The following UNC93A variants were observed in gnomAD, a reference collection of about 807,000 sequenced individuals.
UNC93A encodes the protein N-acetylglucosamine transporter UNC93A.
In UNC93A, 43 loss-of-function variants were observed where a neutral mutation model predicts 47.5. The observed-to-expected ratio is 0.91, with a 90% CI of 0.71 to 1.17. The LOEUF (loss-of-function observed/expected upper bound fraction) is 1.17, where lower values mean the gene tolerates loss of function less well. Ranked by LOEUF, UNC93A falls within the 50% of genes most tolerant of loss-of-function variation. UNC93A has a pLI of 0.00. For synonymous variants in UNC93A, 280 were observed against 258.0 expected (o/e 1.09, Z -0.82); for missense variants, 605 against 577.6 (o/e 1.05, Z -0.49).
chr6:167,277,121 C>T (rs2115076225), intron 1 of UNC93A, among the ~76,000 whole-genome samples: 1 of 152,342 alleles, frequency 6.6e-6, no homozygotes, highest in African/African-American at 2.4e-5. Context: ...GCATTTGTCT[C>T]CAGTAGGATC....
At chr6:167,293,187 G>A (rs2115114492) in intron 1 of UNC93A, among the ~76,000 whole-genome samples, 1 of 152,304 alleles carries the variant, frequency 6.6e-6, no homozygotes, top group East Asian at 1.9e-4. Flanking sequence ...GAGCTCCGCA[G>A]CTGTGAGCAG....
At chr6:167,274,386 C>A (rs1783503872) in intron 1 of UNC93A, among the ~76,000 whole-genome samples, 1 of 152,188 alleles carries the variant, frequency 6.6e-6, no homozygotes, top group South Asian at 2.1e-4. Flanking sequence ...CCTCCCTCCT[C>A]CTGCCTAAAG....
upstream of UNC93A, among the ~76,000 whole-genome samples, chr6:167,288,901 G>C (rs1181536600): frequency 6.6e-6 from 1 of 152,262 alleles, no homozygotes; most frequent in Non-Finnish European, 1.5e-5. Context: ...ATCACCCAGG[G>C]CATCTGTCAT....
intron 1 of UNC93A, among the ~76,000 whole-genome samples, chr6:167,285,728 G>T (rs1783715586): frequency 6.6e-6 from 1 of 151,624 alleles, no homozygotes; most frequent in Non-Finnish European, 1.5e-5. Flanking sequence ...GGGCAGCCTG[G>T]AGGGTAGGTG....
intron 5 of UNC93A, among the ~76,000 whole-genome samples, chr6:167,305,408 A>G (rs899756338): frequency 6.6e-6 from 1 of 152,164 alleles, no homozygotes. Context: ...TTCTCGTCTC[A>G]GTCCCTGTTC....
At position 167,301,712 on chromosome 6, in the gene UNC93A, T is replaced by A. The variant is rs75509010; in HGVS notation, c.626-2207T>A. On this transcript the variant is annotated intron_variant, in intron 4 of 7. Transcript: ENST00000230256. ...CAAGGCTTTCGGGGAGATTGTAGGT[T>A]GTGTCCTATTGGGCTGCTTGACACT... Among the ~76,000 whole-genome samples the A allele has an allele frequency of 1.9e-3, 282 of 152,296 alleles. 1 individual carries two copies. The highest frequency in any genetic ancestry group is 6.4e-3 in the African/African-American group (266 of 41,556).
At chr6:167,311,735 T>C (rs1162835356) in intron 7 of UNC93A, among the ~76,000 whole-genome samples, 2 of 152,288 alleles carry the variant, frequency 1.3e-5, no homozygotes, top group African/African-American at 4.8e-5. Context: ...TTTGTCTTTC[T>C]AAATACAGCT....
At position 167,307,780 on chromosome 6, in the gene UNC93A, C is replaced by T. The variant is rs61729547; in HGVS notation, c.978C>T (p.Gly326=). ...GCGGTTTCCCCTCTGCACCCCCAGG[C>T]GCGGTGACCCACGTGTCCTGCATGA... ...YTGRAVLYVL[G]AVTHVSCMIA... The change falls in exon 7 of 8, where the codon GGC becomes GGT. Residue 326 remains glycine (G), a splice_region_variant and synonymous_variant. Transcript: ENST00000230256. 613 of 1,591,562 alleles carry T rather than the reference C, an allele frequency of 3.9e-4. 1 individual carries two copies. The African/African-American group carries it at 7.2e-3, about 19-fold the overall frequency.
At chr6:167,289,300 C>A (rs1481870648), upstream of UNC93A, among the ~76,000 whole-genome samples, 2 of 152,142 alleles carry the variant, frequency 1.3e-5, no homozygotes, top group Non-Finnish European at 2.9e-5. Flanking sequence ...AAGACCTGCC[C>A]TGGTCACAGG....
Position 167,304,092 on chromosome 6 carries a change from A to G in UNC93A, c.799A>G (p.Ser267Gly). 2 of 1,614,192 alleles carry G rather than the reference A, an allele frequency of 1.2e-6. No individual in the cohort carries two copies. The highest frequency in any genetic ancestry group is 2.2e-5 in the East Asian group (1 of 44,890). The change falls in exon 5 of 8, where the codon AGT becomes GGT. Residue 267 changes from serine (S) to glycine (G), a missense_variant. Ser to Gly is a moderately conservative substitution (Grantham distance 56). Transcript: ENST00000230256. Reference protein sequence around the residue: ...LCLLILLPLYSGLQQGFLSSE... With the variant: ...LCLLILLPLYGGLQQGFLSSE... ...CCTCTTAATTCTGCTGCCGCTGTAC[A>G]GTGGATTGCAGCAAGGATTCCTCTC...
intron 6 of UNC93A, among the ~76,000 whole-genome samples, chr6:167,306,686 G>A (rs1395434891): frequency 6.6e-6 from 1 of 152,244 alleles, no homozygotes; most frequent in Non-Finnish European, 1.5e-5. Context: ...ATGGAGCCTG[G>A]AGGCTCTGCC....
In UNC93A at chr6:167,295,645, C is replaced by CTCCTCCCCTCCCTCGTGA. The variant is rs1562350463; in HGVS notation, c.270-382_270-381insCCCTCCCTCGTGATCCTC. 1.6e-4 allele frequency among the ~76,000 whole-genome samples: 8 copies of CTCCTCCCCTCCCTCGTGA among 49,876 alleles called. 1 individual carries two copies. The highest frequency in any genetic ancestry group is 1.7e-4 in the Admixed American group (1 of 6,026). The allele number at this position is 49,876 out of a possible 152,430, so 32.7% of individuals were successfully genotyped here. On this transcript the variant is annotated intron_variant, in intron 2 of 7. Transcript: ENST00000230256. The stretch of plus-strand genomic sequence containing the variant: ...CCTCGTGCTCCTCGCCTGCCTCGTG[C>CTCCTCCCCTCCCTCGTGA]TCCTCGCCTCCCTCGTGATCCTCGC...
chr6:167,295,994 C>A, intron 2 of UNC93A, 38 bp from the exon 3 acceptor site: 2 of 1,591,948 alleles, frequency 1.3e-6, no homozygotes, highest in African/African-American at 1.3e-5. Context: ...GGGCTTGCGT[C>A]TCCTGTTACA....
intron 4 of UNC93A, among the ~76,000 whole-genome samples, chr6:167,300,613 A>G (rs753926966): frequency 2.0e-5 from 3 of 152,124 alleles, no homozygotes; most frequent in Non-Finnish European, 4.4e-5. Context: ...AGGAGGAGCC[A>G]CGGTTTTCTC....
At chr6:167,300,523 G>A (rs1347489120) in intron 4 of UNC93A, among the ~76,000 whole-genome samples, 1 of 152,168 alleles carries the variant, frequency 6.6e-6, no homozygotes, top group South Asian at 2.1e-4. Flanking sequence ...CCCATCAGGC[G>A]AGCAACCTGG....
intron 1 of UNC93A, among the ~76,000 whole-genome samples, chr6:167,272,303 A>T (rs1212584267): frequency 6.6e-6 from 1 of 152,220 alleles, no homozygotes; most frequent in East Asian, 1.9e-4. Context: ...TGCAGGTGGC[A>T]CAAATCTCTG....
chr6:167,299,139 C>T (rs867179841), intron 4 of UNC93A, among the ~76,000 whole-genome samples: 1,526 of 133,050 alleles, frequency 0.011, 42 homozygotes, highest in African/African-American at 0.045. Flanking sequence ...AATACACACA[C>T]ACACACACAC....
At position 167,277,428 on chromosome 6, in the gene UNC93A, G is replaced by A. The variant is rs191705650; in HGVS notation, c.-52+5970G>A. Among the ~76,000 whole-genome samples, 1,211 of 152,294 alleles carry A rather than the reference G, an allele frequency of 8.0e-3. 9 individuals carry two copies. The highest frequency in any genetic ancestry group is 0.013 in the Non-Finnish European group (880 of 68,024). Reference sequence around the variant, plus strand: ...CAATTCAGGTGTCCTGGCTTTTGCTGCAGGGCTTCTGTCCTGGGTCTCCTG... The same window carrying A: ...CAATTCAGGTGTCCTGGCTTTTGCTACAGGGCTTCTGTCCTGGGTCTCCTG... On this transcript the variant is annotated intron_variant, in intron 1 of 3. Transcript: ENST00000503433.
Position 167,315,326 on chromosome 6 carries a change from G to T in UNC93A, c.1248G>T (p.Gly416=), listed in dbSNP as rs41266327. The change falls in exon 8 of 8, where the codon GGG becomes GGT. Residue 416 remains glycine, a synonymous_variant. Transcript: ENST00000230256. Reference sequence around the variant, plus strand: ...ACGTCAAGCTCTACATTCTGCTGGGGGTCCTGAGCCTGACCATGGTGGCGT... The same window carrying T: ...ACGTCAAGCTCTACATTCTGCTGGGTGTCCTGAGCCTGACCATGGTGGCGT... ...CVHVKLYILL[G]VLSLTMVAYG... 0.012 allele frequency: 19,977 copies of T among 1,613,898 alleles called. 54 individuals carry two copies. Among genetic ancestry groups the T allele is most frequent in the Non-Finnish European group, 0.015 (17,805 of 1,179,854 alleles).
Sources: gnomAD v4.1 joint callset for allele counts (sites outside exome capture counted in the v4.1 genomes callset) on GRCh38, gnomAD v4.1.1 for gene constraint, MANE v1.5 for transcripts, NCBI Gene and HGNC (gene_info 2026-07-23, HGNC 2026-07-21) for gene names.